PCDH11X: variants seen among roughly 807,000 people sequenced by gnomAD.
PCDH11X encodes protocadherin 11 X-linked.
Under a neutral mutation model 53.3 loss-of-function variants are expected in PCDH11X, and 18 were observed. That is an observed-to-expected ratio of 0.34 (90% CI 0.23 to 0.50). PCDH11X has a LOEUF of 0.50. Ranked by LOEUF, PCDH11X falls within the 20% of genes least tolerant of loss-of-function variation. The pLI is 0.98. For synonymous variants in PCDH11X, 279 were observed against 393.3 expected (o/e 0.71, Z 3.44); for missense variants, 570 against 1,032.4 (o/e 0.55, Z 6.14).
chrX:91,864,132 T>A (rs77146666), intron 5 of PCDH11X, among the ~76,000 whole-genome samples: 2 of 111,716 alleles, frequency 1.8e-5, no homozygotes, highest in Admixed American at 9.5e-5. Flanking sequence ...AATGTCTTTT[T>A]CTTTGTGTTT....
intron 6 of PCDH11X, among the ~76,000 whole-genome samples, chrX:91,881,198 T>G (rs984897730): frequency 9.1e-6 from 1 of 110,429 alleles, no homozygotes; most frequent in East Asian, 2.8e-4. Context: ...TTTTCAAATA[T>G]CCTCACTTTT....
intron 6 of PCDH11X, among the ~76,000 whole-genome samples, chrX:92,134,037 G>A (rs112677786): frequency 0.21 from 23,049 of 110,882 alleles, 1,845 homozygotes; most frequent in East Asian, 0.41. Flanking sequence ...TCAGGTCATA[G>A]GTAGATAAGA....
At chrX:92,552,230 A>C (rs1399204337) in intron 10 of PCDH11X, among the ~76,000 whole-genome samples, 1 of 87,541 alleles carries the variant, frequency 1.1e-5, no homozygotes, top group East Asian at 3.4e-4. Context: ...TTTTTTCATC[A>C]GTGTTTTATA....
intron 9 of PCDH11X, among the ~76,000 whole-genome samples, chrX:92,440,753 T>C (rs942464765): frequency 1.6e-4 from 18 of 109,601 alleles, no homozygotes; most frequent in Non-Finnish European, 2.8e-4. Flanking sequence ...GAAAACAGAC[T>C]AATACAGTAA....
chrX:92,594,935 G>C (rs1470695796), intron 10 of PCDH11X, among the ~76,000 whole-genome samples: 1 of 105,586 alleles, frequency 9.5e-6, no homozygotes, highest in Admixed American at 1.0e-4. Flanking sequence ...GTACCCTCCT[G>C]TGAGCAAAAT....
intron 6 of PCDH11X, among the ~76,000 whole-genome samples, chrX:92,164,595 A>G: frequency 8.9e-6 from 1 of 111,786 alleles, no homozygotes; most frequent in South Asian, 3.7e-4. Flanking sequence ...ATTGCTTAAA[A>G]TAAATACTAA....
intron 10 of PCDH11X, among the ~76,000 whole-genome samples, chrX:92,525,069 A>G (rs1383445656): frequency 8.9e-6 from 1 of 112,013 alleles, no homozygotes; most frequent in Admixed American, 9.5e-5. Context: ...CATGTCTTCA[A>G]TCAACCCACA....
intron 8 of PCDH11X, among the ~76,000 whole-genome samples, chrX:92,343,558 G>A (rs954352973): frequency 4.5e-5 from 5 of 110,324 alleles, no homozygotes; most frequent in Admixed American, 9.7e-5. Flanking sequence ...ATATATCTAC[G>A]TGTATTTCTT....
chrX:92,467,958 G>T (rs71234798), intron 9 of PCDH11X, among the ~76,000 whole-genome samples: 11,214 of 111,153 alleles, frequency 0.1, 452 homozygotes, highest in Middle Eastern at 0.16. Flanking sequence ...GTAGAGGACT[G>T]TACTTAGCCA....
intron 6 of PCDH11X, among the ~76,000 whole-genome samples, chrX:92,021,485 G>T (rs1391264242): frequency 9.1e-6 from 1 of 110,241 alleles, no homozygotes; most frequent in Non-Finnish European, 1.9e-5. Context: ...ATAAAGAAAT[G>T]GAACGAACAA....
At chrX:92,296,058 G>T (rs1220005695) in intron 8 of PCDH11X, among the ~76,000 whole-genome samples, 6 of 106,405 alleles carry the variant, frequency 5.6e-5, no homozygotes, top group Non-Finnish European at 1.1e-4. Context: ...CTCCAGTCTG[G>T]GCAACAAGAG....
chrX:92,544,444 A>G (rs1005082142), intron 10 of PCDH11X, among the ~76,000 whole-genome samples: 2 of 111,791 alleles, frequency 1.8e-5, no homozygotes, highest in African/African-American at 6.5e-5. Flanking sequence ...TCTTATTCAA[A>G]TAGTGGGACT....
At chrX:91,912,124 G>T (rs936647192) in intron 6 of PCDH11X, among the ~76,000 whole-genome samples, 1 of 111,603 alleles carries the variant, frequency 9.0e-6, no homozygotes, top group African/African-American at 3.3e-5. Context: ...TTTGTATGTT[G>T]ATTTTGTATC....
At chrX:91,915,509 A>G (rs1230555716) in intron 6 of PCDH11X, among the ~76,000 whole-genome samples, 1 of 111,111 alleles carries the variant, frequency 9.0e-6, no homozygotes, top group African/African-American at 3.3e-5. Context: ...ATTCCATGCA[A>G]ATGGAAACCA....
At chrX:92,264,504 T>C (rs936721719) in intron 8 of PCDH11X, among the ~76,000 whole-genome samples, 1 of 111,393 alleles carries the variant, frequency 9.0e-6, no homozygotes, top group Non-Finnish European at 1.9e-5. Flanking sequence ...ATAAAACATG[T>C]ATTTATATTA....
chrX:91,993,478 C>T (rs1248940642), intron 6 of PCDH11X, among the ~76,000 whole-genome samples: 2 of 112,009 alleles, frequency 1.8e-5, no homozygotes, highest in Non-Finnish European at 3.8e-5. Context: ...ATGACTATCA[C>T]TGTTTTGAAT....
chrX:92,412,536 T>TAGATAG (rs1452839238), intron 9 of PCDH11X, among the ~76,000 whole-genome samples: 2 of 86,692 alleles, frequency 2.3e-5, no homozygotes, highest in African/African-American at 8.7e-5. Context: ...TATATATATA[T>TAGATAG]ATATATATAT....
intron 4 of PCDH11X, among the ~76,000 whole-genome samples, chrX:91,822,110 A>T (rs955226691): frequency 5.5e-5 from 6 of 109,926 alleles, no homozygotes; most frequent in Non-Finnish European, 1.1e-4. Context: ...ATCAATGTTC[A>T]TCAAGGATAT....
At chrX:91,802,058 C>T (rs142487110) in intron 1 of PCDH11X, among the ~76,000 whole-genome samples, 12 of 113,067 alleles carry the variant, frequency 1.1e-4, no homozygotes, top group African/African-American at 1.9e-4. Flanking sequence ...TCCTTCATAG[C>T]GTTCTATATG....
Sources: gnomAD v4.1 joint callset for allele counts (sites outside exome capture counted in the v4.1 genomes callset) on GRCh38, gnomAD v4.1.1 for gene constraint, MANE v1.5 for transcripts, NCBI Gene and HGNC (gene_info 2026-07-23, HGNC 2026-07-21) for gene names.